YES1: variants seen among roughly 807,000 people sequenced by gnomAD.
YES1 encodes the protein tyrosine-protein kinase Yes.
Under a neutral mutation model 70.4 loss-of-function variants are expected in YES1, and 39 were observed. That is an observed-to-expected ratio of 0.55 (90% CI 0.43 to 0.72). YES1 has a LOEUF of 0.72. Ranked by LOEUF, YES1 falls within the 30% of genes least tolerant of loss-of-function variation. The probability of loss-of-function intolerance (pLI) is 0.00; values close to 1 mark genes in which losing one functional copy is unlikely to be tolerated. For missense variants in YES1, 495 were observed against 644.8 expected (o/e 0.77, Z 2.52); for synonymous variants, 198 against 218.6 (o/e 0.91, Z 0.83).
chr18:727,806 G>C (rs1183826253), intron 11 of YES1, among the ~76,000 whole-genome samples: 1 of 152,000 alleles, frequency 6.6e-6, no homozygotes, highest in Non-Finnish European at 1.5e-5. Context: ...TTTTAGATCA[G>C]CAGTTTTCCC....
At chr18:771,021 T>C (rs1905130750) in intron 1 of YES1, among the ~76,000 whole-genome samples, 1 of 150,694 alleles carries the variant, frequency 6.6e-6, no homozygotes, top group East Asian at 1.9e-4. Context: ...AAAAAAAAAA[T>C]CTGAAAAGTT....
intron 1 of YES1, among the ~76,000 whole-genome samples, chr18:770,995 T>G (rs1905127436): frequency 6.7e-6 from 1 of 148,984 alleles, no homozygotes; most frequent in African/African-American, 2.5e-5. Flanking sequence ...AATGAAGAGA[T>G]ATCCCATCTC....
intron 11 of YES1, among the ~76,000 whole-genome samples, chr18:729,619 CTTTTTTTTTT>C (rs869223956): frequency 1.3e-5 from 1 of 75,430 alleles, no homozygotes; most frequent in Non-Finnish European, 2.3e-5. Flanking sequence ...TGATTTTGAA[CTTTTTTTTTT>C]TTTTTTTTTT....
chr18:728,322 C>CAAAAA (rs34970099), intron 11 of YES1, among the ~76,000 whole-genome samples: 1,514 of 145,710 alleles, frequency 0.01, 28 homozygotes, highest in African/African-American at 0.036. Context: ...GACCCTGTCT[C>CAAAAA]AAAAAAAAAA....
intron 1 of YES1, among the ~76,000 whole-genome samples, chr18:760,908 T>C (rs976906199): frequency 6.6e-6 from 1 of 152,164 alleles, no homozygotes; most frequent in Non-Finnish European, 1.5e-5. Context: ...TGGAATCTGG[T>C]TGACACTCTT....
intron 1 of YES1, among the ~76,000 whole-genome samples, chr18:776,075 T>C (rs1329437475): frequency 6.6e-6 from 1 of 152,226 alleles, no homozygotes; most frequent in East Asian, 1.9e-4. Flanking sequence ...TTGCAATAGA[T>C]TGCTGGGTCA....
chr18:788,816 GT>G (rs1188777086), intron 1 of YES1, among the ~76,000 whole-genome samples: 1 of 152,100 alleles, frequency 6.6e-6, no homozygotes, highest in East Asian at 1.9e-4. Context: ...GTGCCAGCTA[GT>G]TGGGAGGCTG....
chr18:743,223 T>C (rs2080235549), intron 7 of YES1, 37 bp downstream of exon 7: 1 of 1,599,136 alleles, frequency 6.3e-7, no homozygotes, highest in African/African-American at 1.3e-5. Flanking sequence ...AATCCACAGC[T>C]AAACAATGAC....
At chr18:746,190 T>TA in intron 4 of YES1, 139 bp from the exon 5 acceptor site, 1 of 633,732 alleles carries the variant, frequency 1.6e-6, no homozygotes. Context: ...CAGGAAAATG[T>TA]AAGAGTTTTA....
At chr18:796,132 A>T (rs1906532756) in intron 1 of YES1, among the ~76,000 whole-genome samples, 1 of 152,200 alleles carries the variant, frequency 6.6e-6, no homozygotes, top group Admixed American at 6.5e-5. Context: ...TGAAAAAGTA[A>T]ATGCATATGA....
intron 1 of YES1, among the ~76,000 whole-genome samples, chr18:774,107 G>A (rs1015800573): frequency 1.3e-4 from 20 of 152,076 alleles, no homozygotes; most frequent in Admixed American, 1.0e-3. Flanking sequence ...CTGGGATTAC[G>A]GGCTTAAGCC....
At chr18:754,712 CAAA>C (rs35530008) in intron 2 of YES1, among the ~76,000 whole-genome samples, 16 of 135,272 alleles carry the variant, frequency 1.2e-4, no homozygotes, top group African/African-American at 1.1e-4. Context: ...ACTCCAACTC[CAAA>C]AAAAAAAAAA....
chr18:791,466 C>T (rs1404379363), intron 1 of YES1, among the ~76,000 whole-genome samples: 1 of 152,082 alleles, frequency 6.6e-6, no homozygotes, highest in African/African-American at 2.4e-5. Context: ...TATTTTTACT[C>T]ACCCCTTAAA....
intron 1 of YES1, among the ~76,000 whole-genome samples, chr18:765,623 C>T (rs928033385): frequency 4.6e-5 from 7 of 152,160 alleles, no homozygotes; most frequent in Admixed American, 2.0e-4. Context: ...TGGTCTCGAA[C>T]GCCTGACCTT....
intron 10 of YES1, among the ~76,000 whole-genome samples, chr18:733,285 G>C (rs546651984): frequency 1.6e-4 from 25 of 152,294 alleles, no homozygotes; most frequent in African/African-American, 5.3e-4. Flanking sequence ...TTTAAGTACA[G>C]TCTGGCACCT....
At chr18:740,380 A>G (rs987235307) in intron 8 of YES1, among the ~76,000 whole-genome samples, 1 of 152,248 alleles carries the variant, frequency 6.6e-6, no homozygotes, top group Non-Finnish European at 1.5e-5. Context: ...TTAAAACATA[A>G]AAGTGGTCTA....
At chr18:791,665 A>G (rs1031667302) in intron 1 of YES1, among the ~76,000 whole-genome samples, 1 of 152,220 alleles carries the variant, frequency 6.6e-6, no homozygotes, top group African/African-American at 2.4e-5. Flanking sequence ...ATTAATTTTA[A>G]TATCTTATTT....
rs1399825885 is a variant in YES1 at position 723,423 on chromosome 18, A to G, written c.*1001T>C. The G allele has an allele frequency of 6.6e-6, 1 of 152,562 alleles. No individual in the cohort carries two copies. The highest frequency in any genetic ancestry group is 2.4e-5 in the African/African-American group (1 of 41,422). 9.5% of individuals were successfully genotyped at this position (152,562 alleles called of 1,614,324 possible). On this transcript the variant is annotated 3_prime_UTR_variant, in exon 12 of 12. Coordinates refer to ENST00000314574, the MANE Select transcript of YES1 (RefSeq NM_005433.4). Reference sequence around the variant, plus strand: ...CTTTTCTCGTATTTCTTTTAAATACATTTTCCTCTCTGTTCATCTATATTC... The same window carrying G: ...CTTTTCTCGTATTTCTTTTAAATACGTTTTCCTCTCTGTTCATCTATATTC...
At chr18:790,488 C>CA (rs1906190694) in intron 1 of YES1, among the ~76,000 whole-genome samples, 1 of 151,946 alleles carries the variant, frequency 6.6e-6, no homozygotes, top group South Asian at 2.1e-4. Context: ...CTTATTATAA[C>CA]AAAAAATCTA....
Sources: gnomAD v4.1 joint callset for allele counts (sites outside exome capture counted in the v4.1 genomes callset) on GRCh38, gnomAD v4.1.1 for gene constraint, MANE v1.5 for transcripts, NCBI Gene and HGNC (gene_info 2026-07-23, HGNC 2026-07-21) for gene names.